CPVL: variants seen among roughly 807,000 people sequenced by gnomAD.
CPVL encodes the protein carboxypeptidase vitellogenic like.
A neutral mutation model predicts 63.7 loss-of-function variants in CPVL; 51 were observed. The ratio of observed to expected loss-of-function variants is 0.80; its 90% CI spans 0.64 to 1.01. The LOEUF is 1.01. Among genes scored for constraint, CPVL ranks in the 50% least tolerant of loss-of-function variants. CPVL has a pLI of 0.00. For synonymous variants in CPVL, 195 were observed against 206.0 expected (o/e 0.95, Z 0.46); for missense variants, 530 against 573.1 (o/e 0.92, Z 0.77).
chr7:29,050,393 T>A (rs1790024198), intron 11 of CPVL, among the ~76,000 whole-genome samples: 1 of 125,074 alleles, frequency 8.0e-6, no homozygotes, highest in Non-Finnish European at 1.7e-5. Flanking sequence ...CTCAACCCCT[T>A]TTACGATAGC....
intron 3 of CPVL, among the ~76,000 whole-genome samples, chr7:29,099,186 T>C (rs543877879): frequency 1.3e-5 from 2 of 152,248 alleles, no homozygotes; most frequent in Non-Finnish European, 2.9e-5. Flanking sequence ...AGCTGTATAG[T>C]ATGTGTTCTC....
At chr7:29,020,795 A>G (rs1359343594) in intron 12 of CPVL, among the ~76,000 whole-genome samples, 1 of 152,224 alleles carries the variant, frequency 6.6e-6, no homozygotes, top group Non-Finnish European at 1.5e-5. Context: ...TGGTTCTTTG[A>G]AAAGAATAAA....
At chr7:29,047,020 T>C (rs1400685008) in intron 11 of CPVL, among the ~76,000 whole-genome samples, 2 of 152,242 alleles carry the variant, frequency 1.3e-5, no homozygotes, top group African/African-American at 4.8e-5. Context: ...TATATGTTTA[T>C]TGTAAAGGTG....
At chr7:29,086,463 G>C (rs759271417) in intron 7 of CPVL, 21 bp downstream of exon 7, 34 of 1,572,132 alleles carry the variant, frequency 2.2e-5, no homozygotes, top group Non-Finnish European at 2.9e-5. Flanking sequence ...AAGCACACAA[G>C]GAAACGTGAC....
intron 1 of CPVL, chr7:29,145,989 C>T (rs962009906): frequency 1.3e-5 from 2 of 152,232 alleles, no homozygotes; most frequent in Admixed American, 6.5e-5. Flanking sequence ...AAGGTATTTT[C>T]CGCTTCTCTT....
chr7:29,159,954 A>C (rs1042394668), intron 5 of CPVL, among the ~76,000 whole-genome samples: 1 of 152,170 alleles, frequency 6.6e-6, no homozygotes, highest in Non-Finnish European at 1.5e-5. Flanking sequence ...TTGTGTGCCC[A>C]TGGGTGCACG....
At chr7:29,124,573 G>T (rs2128646578) in intron 1 of CPVL, among the ~76,000 whole-genome samples, 1 of 152,176 alleles carries the variant, frequency 6.6e-6, no homozygotes, top group Admixed American at 6.5e-5. Context: ...TTTATCCACA[G>T]TGTTCTTTAG....
chr7:29,089,104 T>C (rs1019299520), intron 6 of CPVL, among the ~76,000 whole-genome samples: 3 of 152,208 alleles, frequency 2.0e-5, no homozygotes, highest in East Asian at 3.9e-4. Context: ...CTTGCTGGCA[T>C]TGTGCTAAGG....
intron 5 of CPVL, among the ~76,000 whole-genome samples, chr7:29,167,077 C>G (rs145291328): frequency 6.6e-6 from 1 of 151,962 alleles, no homozygotes; most frequent in African/African-American, 2.4e-5. Flanking sequence ...AACAACTTGA[C>G]GAAAAGAATA....
At chr7:29,169,118 T>C (rs1336066691) in intron 5 of CPVL, among the ~76,000 whole-genome samples, 1 of 152,188 alleles carries the variant, frequency 6.6e-6, no homozygotes, top group African/African-American at 2.4e-5. Context: ...ATTTTCCCCA[T>C]TTTATTCATT....
At chr7:29,193,507 T>G (rs1054976895) in intron 1 of CPVL, 3 of 152,248 alleles carry the variant, frequency 2.0e-5, no homozygotes, top group Admixed American at 6.5e-5. Flanking sequence ...TTTCATTCCT[T>G]TAATGTTTGC....
intron 1 of CPVL, among the ~76,000 whole-genome samples, chr7:29,123,707 GTT>G (rs201863981): frequency 6.4e-5 from 2 of 31,190 alleles, no homozygotes; most frequent in Non-Finnish European, 5.0e-5. Context: ...AGAGGTTTTT[GTT>G]TTTTTTTTTT....
intron 2 of CPVL, among the ~76,000 whole-genome samples, chr7:29,114,767 C>T (rs1342577172): frequency 2.0e-5 from 3 of 152,326 alleles, no homozygotes; most frequent in East Asian, 3.9e-4. Flanking sequence ...CCCTGTTCTT[C>T]AGTTTCTCCT....
At chr7:29,128,643 G>A (rs939840956) in intron 1 of CPVL, among the ~76,000 whole-genome samples, 35 of 151,298 alleles carry the variant, frequency 2.3e-4, no homozygotes, top group African/African-American at 8.5e-4. Flanking sequence ...TTGAACCCAG[G>A]AGGTGGAGGT....
intron 12 of CPVL, among the ~76,000 whole-genome samples, chr7:29,008,298 T>A (rs1785415814): frequency 6.6e-6 from 1 of 152,102 alleles, no homozygotes; most frequent in Non-Finnish European, 1.5e-5. Flanking sequence ...CCAGGTAGAG[T>A]TAGGACTTTA....
chr7:29,121,684 G>C (rs570260186), intron 1 of CPVL, among the ~76,000 whole-genome samples: 19 of 152,240 alleles, frequency 1.2e-4, no homozygotes, highest in Admixed American at 1.1e-3. Flanking sequence ...GGGAGAAATG[G>C]GAAAGGCATC....
At chr7:29,094,990 C>T (rs542976591) in intron 5 of CPVL, 94 bp downstream of exon 5, 42 of 893,894 alleles carry the variant, frequency 4.7e-5, no homozygotes, top group East Asian at 2.1e-4. Context: ...AAAGGAAAAA[C>T]GAAATCTATT....
intron 12 of CPVL, chr7:29,011,825 G>A (rs1358130425): frequency 2.6e-5 from 4 of 152,152 alleles, no homozygotes; most frequent in African/African-American, 9.7e-5. Flanking sequence ...AAGGATAAAA[G>A]GTTTTCAACA....
chr7:29,086,464 G>A lies in CPVL; in HGVS notation c.609+20C>T. ...TCTGGTGATGTTTGAAGCACACAAG[G>A]AAACGTGACTTCTACTTACCTCCCC... On this transcript the variant is annotated intron_variant, in intron 7 of 12. Transcript: ENST00000265394. The A allele has an allele frequency of 6.3e-7, 1 of 1,575,750 alleles. No homozygotes were observed. The highest frequency in any genetic ancestry group is 8.7e-7 in the Non-Finnish European group (1 of 1,145,432).
Sources: allele counts gnomAD v4.1 joint callset (sites outside exome capture counted in the v4.1 genomes callset), GRCh38; gene constraint gnomAD v4.1.1; transcripts MANE v1.5; gene names NCBI Gene and HGNC (gene_info 2026-07-23, HGNC 2026-07-21).